Variants in CD300LG observed in about 807,000 individuals in gnomAD.
CD300LG encodes CMRF35-like molecule 9.
A neutral mutation model predicts 31.5 loss-of-function variants in CD300LG; 29 were observed. That is an observed-to-expected ratio of 0.92 (90% CI 0.68 to 1.25). CD300LG has a LOEUF of 1.25. Among genes scored for constraint, CD300LG ranks in the 50% most tolerant of loss-of-function variants. CD300LG has a pLI of 0.00. For missense variants in CD300LG, 396 were observed against 417.6 expected (o/e 0.95, Z 0.45); for synonymous variants, 175 against 177.2 (o/e 0.99, Z 0.10).
At position 43,848,758 on chromosome 17, in the gene CD300LG, C is replaced by A; in HGVS notation, c.244C>A (p.Arg82Ser). 6.2e-7 allele frequency: 1 copy of A among 1,614,090 alleles called. No individual in the cohort carries two copies. The highest frequency in any genetic ancestry group is 8.5e-7 in the Non-Finnish European group (1 of 1,180,020). The change falls in exon 2 of 7, where the codon CGT (arginine) becomes AGT (serine). Residue 82 changes from arginine to serine, a missense_variant. Transcript: ENST00000317310. Reference protein sequence around the residue: ...QETMKGRVSIRDSRQELSLIV... With the variant: ...QETMKGRVSISDSRQELSLIV... ...GACAATGAAGGGCAGGGTGTCCATC[C>A]GTGACAGCCGCCAGGAGCTCTCGCT...
chr17:43,856,984 C>T, intron 5 of CD300LG, 120 bp from the exon 6 acceptor site: 1 of 936,916 alleles, frequency 1.1e-6, no homozygotes, highest in South Asian at 1.4e-5. Flanking sequence ...GCTGCCTCCT[C>T]CCTCTGGGAA....
chr17:43,848,915 C>T (rs1205539016), intron 2 of CD300LG, 22 bp downstream of exon 2: 2 of 1,596,906 alleles, frequency 1.3e-6, no homozygotes, highest in Admixed American at 1.7e-5. Context: ...CTCTCCTTCC[C>T]CAGGCTGGGG....
At chr17:43,850,447 A>C (rs771178631) in intron 2 of CD300LG, among the ~76,000 whole-genome samples, 3 of 145,324 alleles carry the variant, frequency 2.1e-5, no homozygotes, top group Non-Finnish European at 2.9e-5. Context: ...TTATTTATTT[A>C]TTTTTATTCA....
intron 6 of CD300LG, chr17:43,857,706 G>T (rs928833947): frequency 3.6e-6 from 5 of 1,395,946 alleles, no homozygotes; most frequent in Admixed American, 2.0e-5. Context: ...GAGGGTAAAG[G>T]TCTTGCCCAT....
rs765122520 is a variant in CD300LG, at chr17:43,861,859, C to T, written c.947C>T (p.Pro316Leu). 6.2e-7 allele frequency: 1 copy of T among 1,612,872 alleles called. No homozygotes were observed. ...APEGDVISMPPLHTSEEELGF... is the reference protein window; with the variant it reads ...APEGDVISMPLLHTSEEELGF... ...GAGGGGGACGTGATCTCGATGCCTC[C>T]CCTCCACACATCTGAGGAGGAGCTG... Residue 316 changes from proline (P) to leucine (L), a missense_variant, in exon 7 of 7, where the codon CCC becomes CTC. By Grantham distance (98) the Pro-to-Leu change is moderately conservative (BLOSUM62 -3). Coordinates refer to ENST00000317310, the MANE Select transcript of CD300LG (RefSeq NM_145273.4).
rs780288721 is a variant in CD300LG at position 43,848,851 on chromosome 17, G to A, written c.337G>A (p.Gly113Ser). 4.3e-6 allele frequency: 7 copies of A among 1,614,056 alleles called. No individual in the cohort carries two copies. The highest frequency in any genetic ancestry group is 5.9e-6 in the Non-Finnish European group (7 of 1,179,992). Residue 113 changes from glycine to serine, a missense_variant, in exon 2 of 7, where the codon GGC becomes AGC. Physicochemically the swap from Gly to Ser is moderately conservative, Grantham distance 56. Coordinates refer to ENST00000317310, the MANE Select transcript of CD300LG (RefSeq NM_145273.4). ...GEYWCGVEKR[G>S]PDESLLISLF... Reference sequence around the variant, plus strand: ...GTACTGGTGTGGGGTCGAAAAACGGGGCCCCGATGAGTCTTTACTGATCTC... The same window carrying A: ...GTACTGGTGTGGGGTCGAAAAACGGAGCCCCGATGAGTCTTTACTGATCTC...
At position 43,861,968 on chromosome 17, in the gene CD300LG, C is replaced by A; in HGVS notation, c.*57C>A. On this transcript the variant is annotated 3_prime_UTR_variant, in exon 7 of 7. Coordinates refer to ENST00000317310, the MANE Select transcript of CD300LG (RefSeq NM_145273.4). ...GAAGCAGTATGGCTGGCTGGATCAGCACCGATTCCCGAAAGCTTTCCACCT... is the reference window on the plus strand; with the variant it reads ...GAAGCAGTATGGCTGGCTGGATCAGAACCGATTCCCGAAAGCTTTCCACCT... 7.8e-7 allele frequency: 1 copy of A among 1,274,078 alleles called. No individual in the cohort carries two copies. The allele number at this position is 1,274,078 out of a possible 1,614,324, so 78.9% of individuals were successfully genotyped here.
At chr17:43,850,596 G>T (rs1378092253) in intron 2 of CD300LG, among the ~76,000 whole-genome samples, 1 of 151,870 alleles carries the variant, frequency 6.6e-6, no homozygotes, top group Non-Finnish European at 1.5e-5. Flanking sequence ...TCAGCCTCCA[G>T]AGTAGCTGGG....
At chr17:43,857,617 T>A in intron 6 of CD300LG, 1 of 1,141,854 alleles carries the variant, frequency 8.8e-7, no homozygotes, top group South Asian at 1.3e-5. Context: ...AGCTGAACCC[T>A]CCAGGGGTGG....
chr17:43,858,720 G>T (rs1284982022), intron 6 of CD300LG: 2 of 985,266 alleles, frequency 2.0e-6, no homozygotes, highest in Non-Finnish European at 2.4e-6. Flanking sequence ...GCAGAGTCTG[G>T]AGATGGAATT....
At position 43,848,765 on chromosome 17, in the gene CD300LG, G is replaced by A; in HGVS notation, c.251G>A (p.Ser84Asn). 1 of 1,614,192 alleles carries A rather than the reference G, an allele frequency of 6.2e-7. No individual in the cohort carries two copies. Among genetic ancestry groups the A allele is most frequent in the Non-Finnish European group, 8.5e-7 (1 of 1,180,042 alleles). The change falls in exon 2 of 7, where the codon AGC (serine) becomes AAC (asparagine). Residue 84 changes from serine (S) to asparagine (N), a missense_variant. Ser to Asn is a conservative substitution (Grantham distance 46, BLOSUM62 1). Coordinates refer to ENST00000317310, the MANE Select transcript of CD300LG (RefSeq NM_145273.4). ...TMKGRVSIRD[S>N]RQELSLIVTL... The stretch of plus-strand genomic sequence containing the variant: ...AAGGGCAGGGTGTCCATCCGTGACA[G>A]CCGCCAGGAGCTCTCGCTCATTGTG...
At chr17:43,858,526 G>A in intron 6 of CD300LG, 1 of 985,460 alleles carries the variant, frequency 1.0e-6, no homozygotes, top group Non-Finnish European at 1.2e-6. Flanking sequence ...CTGCTGAAGA[G>A]GGAGGGGACA....
At position 43,853,902 on chromosome 17, in the gene CD300LG, G is replaced by T. The variant is rs267604895; in HGVS notation, c.577G>T (p.Glu193Ter). 1 of 1,614,002 alleles carries T rather than the reference G, an allele frequency of 6.2e-7. No homozygotes were observed. Among genetic ancestry groups the T allele is most frequent in the African/African-American group, 1.3e-5 (1 of 74,912 alleles). Residue 193 changes from glutamate to a stop codon, truncating the protein, a stop_gained, in exon 4 of 7, where the codon GAA becomes TAA. Transcript: ENST00000317310. LOFTEE classifies it high-confidence loss of function. Reference protein sequence around the residue: ...PLPGTSQYGHERTSQYTGTSP... With the variant: ...PLPGTSQYGH ...GCCAGGGACTTCCCAGTACGGGCAC[G>T]AAAGGACTTCTCAGTACACAGGAAC...
chr17:43,856,059 A>C (rs755101002), intron 5 of CD300LG, among the ~76,000 whole-genome samples: 2 of 152,158 alleles, frequency 1.3e-5, no homozygotes, highest in Non-Finnish European at 2.9e-5. Context: ...CTCCTGCCTC[A>C]GCCTCCCGAG....
chr17:43,854,637 A>G (rs1296205368), intron 4 of CD300LG, among the ~76,000 whole-genome samples: 4 of 152,124 alleles, frequency 2.6e-5, no homozygotes, highest in Non-Finnish European at 4.4e-5. Flanking sequence ...ACTCACAGTA[A>G]GAATGCCAGG....
rs767101356 is a variant in CD300LG at position 43,848,631 on chromosome 17, C to T, written c.117C>T (p.Tyr39=). The T allele has an allele frequency of 2.5e-6, 4 of 1,614,088 alleles. No homozygotes were observed. Among genetic ancestry groups the T allele is most frequent in the Admixed American group, 3.3e-5 (2 of 60,012 alleles). Residue 39 remains tyrosine, a synonymous_variant, in exon 2 of 7, where the codon TAC becomes TAT. Transcript: ENST00000317310. ...ACACTGTGTCCCTGCAGTGCACCTA[C>T]AGGGAAGAGCTGAGGGACCACCGGA... ...EGDTVSLQCT[Y]REELRDHRKY...
chr17:43,854,281 G>A (rs1344176508), intron 4 of CD300LG, among the ~76,000 whole-genome samples: 2 of 152,222 alleles, frequency 1.3e-5, no homozygotes, highest in Non-Finnish European at 2.9e-5. Context: ...TCCCAGTCCT[G>A]ACCTCTCTCC....
rs764116429 is a variant in CD300LG at position 43,855,357 on chromosome 17, C to T, written c.832+38C>T. On this transcript the variant is annotated intron_variant, in intron 5 of 6. Coordinates refer to ENST00000317310, the MANE Select transcript of CD300LG (RefSeq NM_145273.4). ...GGGCGGCAGGAAGGCGGGAGGCTCA[C>T]TGGGCCAGGGACCTCACTGAGACCT... 3.0e-6 allele frequency: 4 copies of T among 1,340,092 alleles called. No individual in the cohort carries two copies. In the South Asian group the frequency reaches 5.8e-5, roughly 19 times the overall value. 83.0% of individuals were successfully genotyped at this position (1,340,092 alleles called of 1,614,324 possible). A position where few individuals can be genotyped will look rare whatever the true frequency, so the allele number is the denominator to read the frequency against.
chr17:43,847,772 TACAAACAAACAA>T (rs145457270), intron 1 of CD300LG, among the ~76,000 whole-genome samples: 3 of 152,112 alleles, frequency 2.0e-5, no homozygotes, highest in Non-Finnish European at 2.9e-5. Flanking sequence ...ACCCCATCTC[TACAAACAAACAA>T]ACAAACAAAC....
Sources: allele counts gnomAD v4.1 joint callset (sites outside exome capture counted in the v4.1 genomes callset), GRCh38; gene constraint gnomAD v4.1.1; transcripts MANE v1.5; gene names NCBI Gene and HGNC (gene_info 2026-07-23, HGNC 2026-07-21).